PATJ: variants seen among roughly 807,000 people sequenced by gnomAD.
The protein encoded by PATJ is inaD-like protein.
A neutral mutation model predicts 224.9 loss-of-function variants in PATJ; 190 were observed. The ratio of observed to expected loss-of-function variants is 0.84; its 90% confidence interval spans 0.75 to 0.95. The LOEUF is 0.95. PATJ is among the 40% of genes least tolerant of loss of function. The pLI is 0.00. For synonymous variants in PATJ, 769 were observed against 820.3 expected, an observed-to-expected ratio of 0.94 and a Z score of 1.07; for missense variants, 2,121 against 2,270.3, an observed-to-expected ratio of 0.93 and a Z score of 1.34.
At chr1:61,864,144 G>A (rs1458168312) in intron 19 of PATJ, 94 bp from the exon 20 acceptor site, 1 of 1,058,792 alleles carries the variant, frequency 9.4e-7, no homozygotes, top group Non-Finnish European at 1.4e-6. Flanking sequence ...GGCATATGCA[G>A]TCACGCCAGC....
chr1:61,937,403 G>T (rs984277641), intron 27 of PATJ, among the ~76,000 whole-genome samples: 2 of 151,918 alleles, frequency 1.3e-5, no homozygotes, highest in Non-Finnish European at 2.9e-5. Context: ...AGAAAATTAG[G>T]AAACTTTATT....
At chr1:61,959,425 A>ATTTTTTTCTTTTTTTTTTTTTTT in intron 27 of PATJ, among the ~76,000 whole-genome samples, 1 of 61,152 alleles carries the variant, frequency 1.6e-5, no homozygotes, top group Admixed American at 2.2e-4. Context: ...TATATAATAT[A>ATTTTTTTCTTTTTTTTTTTTTTT]TTTTTTTTCT....
At chr1:62,047,044 A>C (rs2148563295) in intron 30 of PATJ, among the ~76,000 whole-genome samples, 1 of 152,354 alleles carries the variant, frequency 6.6e-6, no homozygotes, top group Middle Eastern at 3.4e-3. Flanking sequence ...CATATTGCTG[A>C]GAAATGTAAA....
chr1:61,983,155 A>G (rs1644542072), intron 27 of PATJ, among the ~76,000 whole-genome samples: 1 of 152,034 alleles, frequency 6.6e-6, no homozygotes, highest in South Asian at 2.1e-4. Context: ...AAAACATAGC[A>G]ATTAATGTAT....
intron 27 of PATJ, among the ~76,000 whole-genome samples, chr1:61,957,030 T>A (rs1043277667): frequency 6.6e-6 from 1 of 152,172 alleles, no homozygotes; most frequent in African/African-American, 2.4e-5. Flanking sequence ...TTCCTCCCCA[T>A]GAGTATGTGG....
At chr1:62,131,530 C>G (rs1666261062) in intron 41 of PATJ, among the ~76,000 whole-genome samples, 1 of 152,190 alleles carries the variant, frequency 6.6e-6, no homozygotes. Context: ...TGCCTGTAAT[C>G]CCAGCTACTC....
At chr1:61,983,348 G>A (rs80209055) in intron 27 of PATJ, among the ~76,000 whole-genome samples, 1 of 151,668 alleles carries the variant, frequency 6.6e-6, no homozygotes, top group Non-Finnish European at 1.5e-5. Context: ...ATGAGGCACT[G>A]AAAAAAATGA....
intron 7 of PATJ, among the ~76,000 whole-genome samples, chr1:61,786,453 A>G (rs1648547758): frequency 6.6e-6 from 1 of 152,036 alleles, no homozygotes; most frequent in African/African-American, 2.4e-5. Context: ...ACTGAACTTC[A>G]GGTTTGTGTA....
intron 8 of PATJ, among the ~76,000 whole-genome samples, chr1:61,790,490 T>G (rs1452116432): frequency 6.8e-6 from 1 of 148,132 alleles, no homozygotes; most frequent in Admixed American, 7.0e-5. Flanking sequence ...CTTAGCTTCT[T>G]CTTCTTTTTC....
At chr1:62,106,002 C>G (rs760522051) in intron 33 of PATJ, among the ~76,000 whole-genome samples, 6 of 128,184 alleles carry the variant, frequency 4.7e-5, no homozygotes, top group Non-Finnish European at 6.4e-5. Context: ...GCAGGAGAAT[C>G]GCTTGAGCCC....
At position 61,837,789 on chromosome 1, in the gene PATJ, T is replaced by TAAA. The variant is rs79022630; in HGVS notation, c.2112+4020_2112+4022dup. On this transcript the variant is annotated intron_variant, in intron 17 of 43. Transcript: ENST00000642238. ...TGGGAGACAGAGTGAGACTCTGTCTTAAAAAAAAAAAAAAAAAAGGGAAAG... is the reference window on the plus strand; with the variant it reads ...TGGGAGACAGAGTGAGACTCTGTCTTAAAAAAAAAAAAAAAAAAAAAGGGAAAG... 3.9e-3 allele frequency among the ~76,000 whole-genome samples: 489 copies of TAAA among 124,906 alleles called. 8 individuals are homozygous for TAAA. The highest frequency in any genetic ancestry group is 0.014 in the African/African-American group (455 of 32,878). 81.9% of individuals were successfully genotyped at this position (124,906 alleles called of 152,430 possible).
At chr1:61,877,791 T>C (rs1435565300) in intron 21 of PATJ, among the ~76,000 whole-genome samples, 2 of 152,152 alleles carry the variant, frequency 1.3e-5, no homozygotes, top group East Asian at 1.9e-4. Context: ...TGAGAGTGGA[T>C]TAATACAACT....
chr1:61,780,337 T>C (rs950685523), intron 7 of PATJ, among the ~76,000 whole-genome samples: 1 of 152,040 alleles, frequency 6.6e-6, no homozygotes, highest in African/African-American at 2.4e-5. Context: ...TGGAGGTGCA[T>C]GCCCATAATC....
intron 27 of PATJ, among the ~76,000 whole-genome samples, chr1:61,961,395 G>A (rs1681263163): frequency 6.6e-6 from 1 of 152,088 alleles, no homozygotes; most frequent in African/African-American, 2.4e-5. Flanking sequence ...GAAATGATCA[G>A]AAGAGATTCC....
At chr1:62,058,614 T>G (rs1388288839) in intron 31 of PATJ, among the ~76,000 whole-genome samples, 1 of 152,184 alleles carries the variant, frequency 6.6e-6, no homozygotes, top group Non-Finnish European at 1.5e-5. Context: ...AAGGATCAAG[T>G]ATGATTTTGT....
chr1:62,158,525 C>T lies in PATJ; in HGVS notation c.5503-2383C>T, dbSNP rs565589974. Reference sequence around the variant, plus strand: ...ACGAGGTCAGGAGATTGAGACCATCCTGGCTAACACGGTAAAAAACTCCGT... The same window carrying T: ...ACGAGGTCAGGAGATTGAGACCATCTTGGCTAACACGGTAAAAAACTCCGT... On this transcript the variant is annotated intron_variant, in intron 43 of 43. Transcript: ENST00000642238. Among the ~76,000 whole-genome samples, 11 of 148,528 alleles carry T rather than the reference C, an allele frequency of 7.4e-5. No homozygotes were observed. The South Asian group carries it at 1.1e-3, about 15-fold the overall frequency.
At chr1:62,085,441 A>G (rs1373629852) in intron 33 of PATJ, among the ~76,000 whole-genome samples, 2 of 152,176 alleles carry the variant, frequency 1.3e-5, no homozygotes, top group African/African-American at 2.4e-5. Context: ...GACCAACAGT[A>G]TCACAGCAGC....
At chr1:61,804,792 A>G (rs565170143) in intron 12 of PATJ, among the ~76,000 whole-genome samples, 1 of 152,326 alleles carries the variant, frequency 6.6e-6, no homozygotes, top group South Asian at 2.1e-4. Flanking sequence ...TTATCTATGC[A>G]ACAAAGACAG....
At chr1:62,014,453 T>G (rs559810250) in intron 28 of PATJ, among the ~76,000 whole-genome samples, 1 of 152,264 alleles carries the variant, frequency 6.6e-6, no homozygotes, top group East Asian at 1.9e-4. Context: ...ATGATCATAC[T>G]AGACATACTA....
Sources: gnomAD v4.1 joint callset for allele counts (sites outside exome capture counted in the v4.1 genomes callset) on GRCh38, gnomAD v4.1.1 for gene constraint, MANE v1.5 for transcripts, NCBI Gene and HGNC (gene_info 2026-07-23, HGNC 2026-07-21) for gene names.